The following ADPRHL1 variants were observed in gnomAD, a reference collection of about 807,000 sequenced individuals.
ADPRHL1 encodes ADP-ribosylhydrolase like 1, also known as inactive ADP-ribosyltransferase ARH2.
ADPRHL1 carries 43 observed loss-of-function variants against 44.1 expected under a neutral mutation model. That is an observed-to-expected ratio of 0.98 (90% confidence interval 0.76 to 1.26). The LOEUF (loss-of-function observed/expected upper bound fraction) is 1.26. Ranked by LOEUF, ADPRHL1 falls within the 50% of genes most tolerant of loss-of-function variation. The pLI is 0.00. For synonymous variants in ADPRHL1, 878 were observed against 1,017.4 expected (o/e 0.86, Z 2.61); for missense variants, 2,022 against 2,496.9 (o/e 0.81, Z 4.05).
chr13:113,412,948 T>C (rs9549408), intron 7 of ADPRHL1, among the ~76,000 whole-genome samples: 84 of 13,774 alleles, frequency 6.1e-3, no homozygotes, highest in East Asian at 0.015. Flanking sequence ...CCGCCAACAG[T>C]GCCCCGCAGA....
chr13:113,439,504 G>C (rs1298116291), intron 2 of ADPRHL1, among the ~76,000 whole-genome samples: 2 of 150,304 alleles, frequency 1.3e-5, no homozygotes, highest in Non-Finnish European at 2.9e-5. Flanking sequence ...CTGGAGTGCA[G>C]TGATGTGATC....
chr13:113,431,015 G>A (rs1289524781), intron 3 of ADPRHL1, among the ~76,000 whole-genome samples: 1 of 152,234 alleles, frequency 6.6e-6, no homozygotes, highest in African/African-American at 2.4e-5. Flanking sequence ...GGGCTGAGAG[G>A]TTGTGTTGCT....
At chr13:113,446,783 G>A (rs1190288515) in intron 1 of ADPRHL1, among the ~76,000 whole-genome samples, 1 of 151,782 alleles carries the variant, frequency 6.6e-6, no homozygotes, top group Non-Finnish European at 1.5e-5. Context: ...TACAGGCATG[G>A]CTTTGTCTAT....
At position 113,431,818 on chromosome 13, in the gene ADPRHL1, C is replaced by A. The variant is rs186122376; in HGVS notation, c.505+1924G>T. The stretch of plus-strand genomic sequence containing the variant: ...GCAACCTCCACCTCCCGGGTTCAAG[C>A]GATTCTCCTGCCTCAGCCTCCTGAG... On this transcript the variant is annotated intron_variant, in intron 3 of 7. Transcript: ENST00000612156. 7.7e-3 allele frequency among the ~76,000 whole-genome samples: 1,178 copies of A among 152,036 alleles called. 9 individuals carry two copies. Among genetic ancestry groups the A allele is most frequent in the African/African-American group, 0.027 (1,102 of 41,442 alleles).
chr13:113,408,773 A>C (rs1470480061), intron 7 of ADPRHL1, among the ~76,000 whole-genome samples: 3 of 142,586 alleles, frequency 2.1e-5, no homozygotes, highest in Admixed American at 1.4e-4. Flanking sequence ...CGGAGAAGGC[A>C]GAAAGAGTTT....
chr13:113,451,456 G>A (rs1256981448), intron 1 of ADPRHL1, among the ~76,000 whole-genome samples: 1 of 152,032 alleles, frequency 6.6e-6, no homozygotes, highest in East Asian at 1.9e-4. Flanking sequence ...GCAGCACAGT[G>A]AACCCTCCCT....
chr13:113,417,528 C>T (rs1367499157), intron 7 of ADPRHL1, among the ~76,000 whole-genome samples: 1 of 152,112 alleles, frequency 6.6e-6, no homozygotes, highest in Non-Finnish European at 1.5e-5. Context: ...CAGGCGCGGT[C>T]CCTGCCTTTG....
At chr13:113,414,148 C>A (rs1439912694) in intron 7 of ADPRHL1, among the ~76,000 whole-genome samples, 1 of 152,086 alleles carries the variant, frequency 6.6e-6, no homozygotes, top group Non-Finnish European at 1.5e-5. Flanking sequence ...AGGGCAGGGC[C>A]GGTTTCACGT....
At chr13:113,450,295 A>G (rs546690542) in intron 1 of ADPRHL1, among the ~76,000 whole-genome samples, 2 of 152,292 alleles carry the variant, frequency 1.3e-5, no homozygotes, top group South Asian at 2.1e-4. Flanking sequence ...GATAAACTTA[A>G]GTGAAATTTC....
At position 113,403,027 on chromosome 13, in the gene ADPRHL1, C is replaced by A; in HGVS notation, c.*351G>T. 5.7e-6 allele frequency: 1 copy of A among 176,294 alleles called. No homozygotes were observed. The highest frequency in any genetic ancestry group is 1.2e-5 in the Non-Finnish European group (1 of 84,406). 10.9% of individuals were successfully genotyped at this position (176,294 alleles called of 1,614,324 possible). A position where few individuals can be genotyped will look rare whatever the true frequency, so the allele number is the denominator to read the frequency against. ...CCAGCATCCTGCAGATCGAAGGGGA[C>A]GCACACACCGTGCCACTGCGGGAGG... On this transcript the variant is annotated 3_prime_UTR_variant, in exon 8 of 8. Transcript: ENST00000612156.
intron 7 of ADPRHL1, among the ~76,000 whole-genome samples, chr13:113,420,036 C>T (rs1432786377): frequency 2.0e-5 from 3 of 152,142 alleles, no homozygotes; most frequent in South Asian, 2.1e-4. Context: ...CTTAGGCGAC[C>T]GTGACCGTGT....
intron 1 of ADPRHL1, among the ~76,000 whole-genome samples, chr13:113,446,710 T>C (rs564906694): frequency 2.0e-5 from 3 of 152,130 alleles, no homozygotes; most frequent in South Asian, 2.1e-4. Flanking sequence ...ATGTATGATA[T>C]TGTCATAAAT....
At chr13:113,448,819 G>C (rs967309757) in intron 1 of ADPRHL1, among the ~76,000 whole-genome samples, 1 of 152,246 alleles carries the variant, frequency 6.6e-6, no homozygotes, top group Non-Finnish European at 1.5e-5. Flanking sequence ...ACACTTTGCT[G>C]GTTGCTCCGT....
chr13:113,420,635 G>A (rs943179377), intron 7 of ADPRHL1, among the ~76,000 whole-genome samples: 6 of 151,922 alleles, frequency 3.9e-5, no homozygotes, highest in Admixed American at 3.3e-4. Flanking sequence ...GAGGCCCTTC[G>A]CCCCCGTGTG....
chr13:113,404,110 AGCCCGTTC>A lies in ADPRHL1; in HGVS notation c.5164_5171del (p.Glu1722SerfsTer99). On this transcript the variant is annotated frameshift_variant, in exon 8 of 8. Transcript: ENST00000612156. LOFTEE classifies it low-confidence loss of function (END_TRUNC). The stretch of plus-strand genomic sequence containing the variant: ...GAGCCCCTTTCTGGGCCTGTTCCCG[AGCCCGTTC>A]CTGAGCCCCTTTCTGGGCCTGTTCC... The A allele has an allele frequency of 1.1e-6, 1 of 901,706 alleles. No individual in the cohort carries two copies. Among genetic ancestry groups the A allele is most frequent in the Non-Finnish European group, 1.4e-6 (1 of 699,658 alleles). The allele number at this position is 901,706 out of a possible 1,614,324, so 55.9% of individuals were successfully genotyped here. A position where few individuals can be genotyped will look rare whatever the true frequency, so the allele number is the denominator to read the frequency against.
At chr13:113,447,257 C>A (rs1269888850) in intron 1 of ADPRHL1, among the ~76,000 whole-genome samples, 1 of 109,506 alleles carries the variant, frequency 9.1e-6, no homozygotes. Context: ...TCTACACGCA[C>A]GGTGTTGTGT....
Position 113,437,081 on chromosome 13 carries a change from C to G in ADPRHL1, c.380-3214G>C, listed in dbSNP as rs1269347954. Among the ~76,000 whole-genome samples, 204 of 95,242 alleles carry G rather than the reference C, an allele frequency of 2.1e-3. 4 individuals are homozygous for G. Among genetic ancestry groups the G allele is most frequent in the African/African-American group, 7.0e-3 (165 of 23,684 alleles). 62.5% of individuals were successfully genotyped at this position (95,242 alleles called of 152,430 possible). The stretch of plus-strand genomic sequence containing the variant: ...GGTGTACCCCGGGACCCAGCACCCA[C>G]ACGTAGAGTGAACATAGGTGTACCC... On this transcript the variant is annotated intron_variant, in intron 2 of 7. Coordinates refer to ENST00000612156, the MANE Select transcript of ADPRHL1 (RefSeq NM_001394807.1).
chr13:113,452,073 T>G (rs1349167073), intron 1 of ADPRHL1, among the ~76,000 whole-genome samples: 2 of 151,842 alleles, frequency 1.3e-5, no homozygotes, highest in African/African-American at 4.8e-5. Flanking sequence ...AACTCAAGAG[T>G]GAGCTCCAGC....
In ADPRHL1 at chr13:113,403,952, C is replaced by G. The variant is rs1304567058; in HGVS notation, c.5330G>C (p.Arg1777Pro). ...CTGGGTCTGCTCCCAGCCCTGATCC[C>G]GAGCCCGATCCCGAGCCCATTCCTG... ...GAQEWARDRA[R>P]DQGWEQTQIE... is the part of the protein sequence containing the mutation. The change falls in exon 8 of 8, where the codon CGG becomes CCG. Residue 1777 changes from arginine (R) to proline (P), a missense_variant. Transcript: ENST00000612156. 1.3e-5 allele frequency: 17 copies of G among 1,275,098 alleles called. No homozygotes were observed. The highest frequency in any genetic ancestry group is 1.7e-5 in the Non-Finnish European group (17 of 1,018,962). The allele number at this position is 1,275,098 out of a possible 1,614,324, so 79.0% of individuals were successfully genotyped here. A position where few individuals can be genotyped will look rare whatever the true frequency, so the allele number is the denominator to read the frequency against.
Sources: gnomAD v4.1 joint callset for allele counts (sites outside exome capture counted in the v4.1 genomes callset) on GRCh38, gnomAD v4.1.1 for gene constraint, MANE v1.5 for transcripts, NCBI Gene and HGNC (gene_info 2026-07-23, HGNC 2026-07-21) for gene names.